Variants in OLA1 observed in about 807,000 individuals in gnomAD.
The protein encoded by OLA1 is obg-like ATPase 1.
In OLA1, 14 loss-of-function variants were observed where a neutral mutation model predicts 48.4. That is an observed-to-expected ratio of 0.29 (90% CI 0.19 to 0.45). The LOEUF (loss-of-function observed/expected upper bound fraction) is 0.45. Ranked by LOEUF, OLA1 falls within the 20% of genes least tolerant of loss-of-function variation. The pLI is 1.00. For synonymous variants in OLA1, 127 were observed against 150.4 expected, an observed-to-expected ratio of 0.84 and a Z score of 1.14; for missense variants, 325 against 467.1, an observed-to-expected ratio of 0.70 and a Z score of 2.80.
At chr2:174,104,963 C>A (rs1374935497) in intron 7 of OLA1, among the ~76,000 whole-genome samples, 2 of 151,718 alleles carry the variant, frequency 1.3e-5, no homozygotes, top group African/African-American at 2.4e-5. Context: ...ATAAATGATG[C>A]CTGAAATTTT....
chr2:174,112,617 A>G (rs1685679316), intron 7 of OLA1, among the ~76,000 whole-genome samples: 1 of 152,178 alleles, frequency 6.6e-6, no homozygotes, highest in Non-Finnish European at 1.5e-5. Flanking sequence ...TTATGAAGCA[A>G]TTAATGCTGT....
At chr2:174,215,770 TAA>T (rs1014641759) in intron 4 of OLA1, among the ~76,000 whole-genome samples, 3 of 152,184 alleles carry the variant, frequency 2.0e-5, no homozygotes, top group Non-Finnish European at 4.4e-5. Flanking sequence ...CATAACTGCA[TAA>T]AGTTAATTGT....
intron 4 of OLA1, among the ~76,000 whole-genome samples, chr2:174,191,466 AAG>A (rs1225461713): frequency 6.6e-6 from 1 of 150,964 alleles, no homozygotes. Context: ...TTCTTTTGTG[AAG>A]ACAGGGTCCT....
At chr2:174,213,504 A>T (rs59134662) in intron 4 of OLA1, among the ~76,000 whole-genome samples, 19,607 of 151,974 alleles carry the variant, frequency 0.13, 1,463 homozygotes, top group East Asian at 0.21. Context: ...GAAAAAAAAA[A>T]GGCTAAGGAT....
At chr2:174,154,828 C>T (rs1686834529) in intron 4 of OLA1, among the ~76,000 whole-genome samples, 1 of 152,302 alleles carries the variant, frequency 6.6e-6, no homozygotes, top group East Asian at 1.9e-4. Flanking sequence ...ATAAACTAAA[C>T]AGCAAATCAG....
intron 4 of OLA1, among the ~76,000 whole-genome samples, chr2:174,185,668 C>T (rs934857417): frequency 9.8e-5 from 15 of 152,288 alleles, no homozygotes; most frequent in Non-Finnish European, 1.0e-4. Context: ...TGGCTCACAC[C>T]TGTAATCCCA....
chr2:174,075,580 TG>T (rs1186821747), intron 10 of OLA1, 53 bp from the exon 11 acceptor site: 1 of 1,042,896 alleles, frequency 9.6e-7, no homozygotes, highest in East Asian at 2.4e-5. Context: ...ACTAAATACA[TG>T]GGGTAAATGG....
intron 5 of OLA1, among the ~76,000 whole-genome samples, chr2:174,132,612 T>G (rs905745463): frequency 1.3e-5 from 2 of 152,208 alleles, no homozygotes; most frequent in Non-Finnish European, 2.9e-5. Flanking sequence ...CTTTTAGAAT[T>G]ATACTGCTTA....
intron 5 of OLA1, among the ~76,000 whole-genome samples, chr2:174,129,499 A>C (rs1361340878): frequency 7.1e-6 from 1 of 141,564 alleles, no homozygotes; most frequent in Non-Finnish European, 1.6e-5. Context: ...AAATAAATAA[A>C]TAATATTTAT....
chr2:174,171,206 A>G (rs908548874), intron 4 of OLA1, among the ~76,000 whole-genome samples: 1 of 152,230 alleles, frequency 6.6e-6, no homozygotes, highest in Admixed American at 6.5e-5. Flanking sequence ...CCCTTCTCTT[A>G]ACTAAATTAA....
chr2:174,144,930 TAA>T lies in OLA1; in HGVS notation c.374-2932_374-2931del, dbSNP rs71021671. ...CTGGGCGACAGAGTAAGACCCTGTTTAAAAAAAAAAAAAAAAAAAAAATATAT... is the reference window on the plus strand; with the variant it reads ...CTGGGCGACAGAGTAAGACCCTGTTTAAAAAAAAAAAAAAAAAAAATATAT... On this transcript the variant is annotated intron_variant, in intron 4 of 10. Coordinates refer to ENST00000284719, the MANE Select transcript of OLA1 (RefSeq NM_013341.5). Among the ~76,000 whole-genome samples, 363 of 41,056 alleles carry T rather than the reference TAA, an allele frequency of 8.8e-3. 6 individuals are homozygous for T. The highest frequency in any genetic ancestry group is 0.023 in the Middle Eastern group (1 of 44). 26.9% of individuals were successfully genotyped at this position (41,056 alleles called of 152,430 possible).
At chr2:174,120,556 AG>A (rs892250349) in intron 7 of OLA1, among the ~76,000 whole-genome samples, 13 of 152,316 alleles carry the variant, frequency 8.5e-5, no homozygotes, top group Non-Finnish European at 1.5e-4. Flanking sequence ...GCTTCTCTTC[AG>A]GGGCTAGGTC....
At chr2:174,191,437 A>G (rs908714504) in intron 4 of OLA1, among the ~76,000 whole-genome samples, 9 of 151,890 alleles carry the variant, frequency 5.9e-5, no homozygotes, top group African/African-American at 2.2e-4. Context: ...CTAAAATGAA[A>G]ATTCTTTTCT....
chr2:174,097,020 G>A (rs563783300), intron 7 of OLA1, among the ~76,000 whole-genome samples: 1 of 152,154 alleles, frequency 6.6e-6, no homozygotes, highest in African/African-American at 2.4e-5. Flanking sequence ...GCCGGGCGTG[G>A]TGGCAGGTGC....
At chr2:174,128,694 A>C (rs1016790146) in intron 5 of OLA1, among the ~76,000 whole-genome samples, 1 of 151,152 alleles carries the variant, frequency 6.6e-6, no homozygotes, top group African/African-American at 2.4e-5. Context: ...CCGAGATTGC[A>C]CCACTGCATT....
At chr2:174,198,205 C>T (rs1379626390) in intron 4 of OLA1, among the ~76,000 whole-genome samples, 1 of 152,150 alleles carries the variant, frequency 6.6e-6, no homozygotes, top group Non-Finnish European at 1.5e-5. Context: ...TTGTGATCCG[C>T]CTGCCTTGGC....
rs539606097 is a variant in OLA1, at chr2:174,075,264, G to C, written c.*162C>G. 6.4e-4 allele frequency: 333 copies of C among 521,744 alleles called. 7 individuals carry two copies. In the South Asian group the frequency reaches 6.6e-3, roughly 10 times the overall value. The allele number at this position is 521,744 out of a possible 1,614,324, so 32.3% of individuals were successfully genotyped here. On this transcript the variant is annotated 3_prime_UTR_variant, in exon 11 of 11. Transcript: ENST00000284719. Reference sequence around the variant, plus strand: ...GAACCTGCATTTCATGGGGGGGGGGGGGTACACAGTATTTTAATTTTAAAA... The same window carrying C: ...GAACCTGCATTTCATGGGGGGGGGGCGGTACACAGTATTTTAATTTTAAAA...
intron 4 of OLA1, among the ~76,000 whole-genome samples, chr2:174,187,916 T>C (rs944449559): frequency 6.6e-6 from 1 of 152,180 alleles, no homozygotes; most frequent in African/African-American, 2.4e-5. Flanking sequence ...AGGTGGTGAC[T>C]GTGAAGGATT....
intron 4 of OLA1, among the ~76,000 whole-genome samples, chr2:174,217,558 G>A (rs1688390271): frequency 6.6e-6 from 1 of 152,042 alleles, no homozygotes; most frequent in African/African-American, 2.4e-5. Flanking sequence ...ACAACAAAAT[G>A]TGCAAAAAGT....
Sources: allele counts gnomAD v4.1 joint callset (sites outside exome capture counted in the v4.1 genomes callset), GRCh38; gene constraint gnomAD v4.1.1; transcripts MANE v1.5; gene names NCBI Gene and HGNC (gene_info 2026-07-23, HGNC 2026-07-21).